The following EXOSC9 variants were observed in gnomAD, a reference collection of about 807,000 sequenced individuals.
EXOSC9 encodes the protein exosome complex component RRP45.
In EXOSC9, 38 loss-of-function variants were observed where a neutral mutation model predicts 56.5. The ratio of observed to expected loss-of-function variants is 0.67; its 90% confidence interval spans 0.52 to 0.88. The LOEUF is 0.88. EXOSC9 is among the 40% of genes least tolerant of loss of function. EXOSC9 has a pLI of 0.00. For missense variants in EXOSC9, 559 were observed against 530.5 expected, an observed-to-expected ratio of 1.05 and a Z score of -0.53; for synonymous variants, 170 against 170.8, an observed-to-expected ratio of 0.99 and a Z score of 0.04.
chr4:121,801,887 T>A lies in EXOSC9; in HGVS notation c.127T>A (p.Tyr43Asn). 6.2e-7 allele frequency: 1 copy of A among 1,613,936 alleles called. No individual in the cohort carries two copies. The highest frequency in any genetic ancestry group is 1.3e-5 in the African/African-American group (1 of 75,048). ...RNIRISFGTD[Y>N]GCCIVELGKT... ...CATCAGGATCTCATTTGGAACAGAT[T>A]ACGGATGCTGCATTGTGGAACTTGG... is the stretch of plus-strand genomic sequence containing the variant. The change falls in exon 2 of 12, where the codon TAC (tyrosine) becomes AAC (asparagine). Residue 43 changes from tyrosine (Y) to asparagine (N), a missense_variant. Tyr to Asn is a moderately radical substitution (Grantham distance 143). Coordinates refer to ENST00000243498, the MANE Select transcript of EXOSC9 (RefSeq NM_005033.3).
chr4:121,815,532 A>G (rs1224539730), intron 10 of EXOSC9: 6 of 985,122 alleles, frequency 6.1e-6, no homozygotes, highest in African/African-American at 5.2e-5. Context: ...TCATTAACTA[A>G]TAAGCAGGAG....
intron 8 of EXOSC9, among the ~76,000 whole-genome samples, 185 bp downstream of exon 8, chr4:121,811,856 A>G (rs1201535416): frequency 6.6e-6 from 1 of 152,214 alleles, no homozygotes; most frequent in African/African-American, 2.4e-5. Flanking sequence ...ATGTTACCCA[A>G]AACTCCGAAA....
chr4:121,811,059 A>T (rs893258158), intron 7 of EXOSC9, among the ~76,000 whole-genome samples: 1 of 152,164 alleles, frequency 6.6e-6, no homozygotes, highest in Non-Finnish European at 1.5e-5. Context: ...TTTGAATTCT[A>T]GTTCTGCCCC....
Position 121,801,499 on chromosome 4 carries a change from T to A in EXOSC9, c.66+9T>A, listed in dbSNP as rs569807558. The stretch of plus-strand genomic sequence containing the variant: ...CCATCGAAGAGAAGAAGGTATGGTT[T>A]GGTGCCCGCAGAATTGCGCGCTGCG... On this transcript the variant is annotated intron_variant, in intron 1 of 11. Coordinates refer to ENST00000243498, the MANE Select transcript of EXOSC9 (RefSeq NM_005033.3). 1.9e-6 allele frequency: 3 copies of A among 1,614,072 alleles called. No homozygotes were observed. In the African/African-American group the frequency reaches 4.0e-5, roughly 22 times the overall value.
chr4:121,809,928 G>T lies in EXOSC9; in HGVS notation c.606-39G>T, dbSNP rs1418441234. ...TTACCCAAGAAATGGTAAGCATTCG[G>T]TCTCAGATTTGTTCAGGTCCATTTA... On this transcript the variant is annotated intron_variant, in intron 6 of 11. Transcript: ENST00000243498. The T allele has an allele frequency of 2.5e-6, 4 of 1,611,946 alleles. No homozygotes were observed. The East Asian group carries it at 8.9e-5, about 36-fold the overall frequency.
In EXOSC9 at chr4:121,801,454, A is replaced by G. The variant is rs1578494938; in HGVS notation, c.30A>G (p.Glu10=). 4 of 1,614,068 alleles carry G rather than the reference A, an allele frequency of 2.5e-6. No individual in the cohort carries two copies. In the East Asian group the frequency reaches 6.7e-5, roughly 27 times the overall value. Residue 10 remains glutamate (E), a synonymous_variant, in exon 1 of 12, where the codon GAA becomes GAG. Coordinates refer to ENST00000243498, the MANE Select transcript of EXOSC9 (RefSeq NM_005033.3). The stretch of plus-strand genomic sequence containing the variant: ...AGGAAACGCCACTCTCAAACTGCGA[A>G]CGCCGCTTCCTACTCCGTGCCATCG... The part of the protein sequence containing the change: MKETPLSNC[E]RRFLLRAIEE...
chr4:121,801,357 C>T lies in EXOSC9; in HGVS notation c.-68C>T. 2 of 1,470,158 alleles carry T rather than the reference C, an allele frequency of 1.4e-6. No homozygotes were observed. The highest frequency in any genetic ancestry group is 2.3e-5 in the East Asian group (1 of 44,214). 91.1% of individuals were successfully genotyped at this position (1,470,158 alleles called of 1,614,324 possible). ...CTGCGCCTCGGGGCGAGCAGCGGCG[C>T]GCAAGGAAAGATCGGGTTCCGTTTT... On this transcript the variant is annotated 5_prime_UTR_variant, in exon 1 of 12. Coordinates refer to ENST00000243498, the MANE Select transcript of EXOSC9 (RefSeq NM_005033.3).
At chr4:121,816,560 T>C in intron 11 of EXOSC9, 113 bp downstream of exon 11, 5 of 828,080 alleles carry the variant, frequency 6.0e-6, no homozygotes, top group South Asian at 2.1e-5. Flanking sequence ...AAGACATCCC[T>C]TTTTCATTAG....
At chr4:121,801,650 T>G in intron 1 of EXOSC9, 160 bp downstream of exon 1, 1 of 804,370 alleles carries the variant, frequency 1.2e-6, no homozygotes, top group Non-Finnish European at 2.1e-6. Context: ...GACAGGTTCT[T>G]TTCAAGGCTC....
chr4:121,811,746 C>A, intron 8 of EXOSC9, 75 bp downstream of exon 8: 2 of 602,608 alleles, frequency 3.3e-6, no homozygotes, highest in Non-Finnish European at 5.5e-6. Context: ...TTAGTATAAG[C>A]AAGCTTTATT....
At chr4:121,807,843 T>C (rs975506500) in intron 6 of EXOSC9, 2 of 576,072 alleles carry the variant, frequency 3.5e-6, no homozygotes, top group Admixed American at 6.2e-5. Flanking sequence ...AACATTTTTC[T>C]TTTCATGGGA....
intron 6 of EXOSC9, among the ~76,000 whole-genome samples, chr4:121,809,168 G>A (rs1727133596): frequency 6.6e-6 from 1 of 151,024 alleles, no homozygotes; most frequent in African/African-American, 2.4e-5. Flanking sequence ...AATTTTTTTT[G>A]TAGAGACAGG....
At chr4:121,805,690 A>C (rs1726997572) in intron 5 of EXOSC9, among the ~76,000 whole-genome samples, 1 of 152,202 alleles carries the variant, frequency 6.6e-6, no homozygotes. Flanking sequence ...TGTTATTGCT[A>C]GTGGGAATGT....
At chr4:121,803,800 C>T (rs1229858027) in intron 4 of EXOSC9, among the ~76,000 whole-genome samples, 3 of 152,152 alleles carry the variant, frequency 2.0e-5, no homozygotes, top group Non-Finnish European at 4.4e-5. Flanking sequence ...TCCCAAAGTG[C>T]TGGGATTACA....
intron 10 of EXOSC9, 72 bp from the exon 11 acceptor site, chr4:121,816,297 T>A: frequency 1.1e-6 from 1 of 870,280 alleles, no homozygotes; most frequent in Non-Finnish European, 1.7e-6. Context: ...AGAAATAAAT[T>A]CATGTAGAAA....
At chr4:121,815,516 T>G in intron 10 of EXOSC9, 1 of 984,278 alleles carries the variant, frequency 1.0e-6, no homozygotes. Flanking sequence ...TCACATTTTA[T>G]GTATATCATT....
chr4:121,813,547 A>G (rs1306694726), intron 9 of EXOSC9, among the ~76,000 whole-genome samples, 167 bp downstream of exon 9: 1 of 152,238 alleles, frequency 6.6e-6, no homozygotes, highest in East Asian at 1.9e-4. Flanking sequence ...TATTCTGTTG[A>G]TGGTATAACA....
intron 6 of EXOSC9, among the ~76,000 whole-genome samples, chr4:121,808,056 G>T (rs1424284418): frequency 6.6e-6 from 1 of 152,128 alleles, no homozygotes; most frequent in Admixed American, 6.6e-5. Context: ...ATGGTTCACA[G>T]ACTGGAGGAA....
intron 6 of EXOSC9, 135 bp from the exon 7 acceptor site, chr4:121,809,832 A>G: frequency 1.1e-6 from 1 of 910,150 alleles, no homozygotes; most frequent in South Asian, 1.5e-5. Flanking sequence ...TCCCCATTTC[A>G]GTGACCCAAA....
Sources: allele counts gnomAD v4.1 joint callset (sites outside exome capture counted in the v4.1 genomes callset), GRCh38; gene constraint gnomAD v4.1.1; transcripts MANE v1.5; gene names NCBI Gene and HGNC (gene_info 2026-07-23, HGNC 2026-07-21).